Variants in TMEM143 observed in about 807,000 individuals in gnomAD.
TMEM143 encodes transmembrane protein 143.
TMEM143 carries 45 observed loss-of-function variants against 40.3 expected under a neutral mutation model. That is an observed-to-expected ratio of 1.12 (90% CI 0.88 to 1.43). The LOEUF (loss-of-function observed/expected upper bound fraction) is 1.43, where lower values mean the gene tolerates loss of function less well. TMEM143 is among the 40% of genes most tolerant of loss of function. The pLI, the probability that TMEM143 is intolerant of heterozygous loss-of-function variation, is 0.00. For synonymous variants in TMEM143, 299 were observed against 282.7 expected (o/e 1.06, Z -0.58); for missense variants, 620 against 613.4 (o/e 1.01, Z -0.11).
chr19:48,334,629 T>G (rs1403582286), intron 6 of TMEM143, among the ~76,000 whole-genome samples: 1 of 145,686 alleles, frequency 6.9e-6, no homozygotes, highest in African/African-American at 2.5e-5. Flanking sequence ...TAGCCCAGTC[T>G]GGAGTTCAGT....
intron 3 of TMEM143, among the ~76,000 whole-genome samples, chr19:48,355,251 G>A (rs1465053895): frequency 1.3e-5 from 2 of 151,960 alleles, no homozygotes; most frequent in African/African-American, 4.8e-5. Flanking sequence ...GACTGGTCTC[G>A]AACTCCTGGG....
At chr19:48,352,261 A>AAAAAAAAAAAAAAAC (rs930196732) in intron 3 of TMEM143, among the ~76,000 whole-genome samples, 21 of 143,828 alleles carry the variant, frequency 1.5e-4, no homozygotes, top group African/African-American at 5.5e-4. Context: ...AAAAAAAAAA[A>AAAAAAAAAAAAAAAC]ACACCATATC....
intron 3 of TMEM143, among the ~76,000 whole-genome samples, chr19:48,350,967 G>A (rs1403597261): frequency 6.8e-6 from 1 of 146,552 alleles, no homozygotes; most frequent in Admixed American, 6.9e-5. Context: ...TTGGGTCTTT[G>A]TGGCAATTGC....
Position 48,332,375 on chromosome 19 carries a change from T to G in TMEM143, c.*844A>C, listed in dbSNP as rs907484796. 4 of 152,202 alleles carry G rather than the reference T, an allele frequency of 2.6e-5. No individual in the cohort carries two copies. The highest frequency in any genetic ancestry group is 9.7e-5 in the African/African-American group (4 of 41,438). 9.4% of individuals were successfully genotyped at this position (152,202 alleles called of 1,614,324 possible). ...CTCATCCAGACTTATTAAACATGAT[T>G]TATTACTTTGGGACAGGAGACGGGA... On this transcript the variant is annotated 3_prime_UTR_variant, in exon 8 of 8. Transcript: ENST00000293261.
intron 1 of TMEM143, 131 bp downstream of exon 1, chr19:48,363,767 A>C: frequency 6.7e-7 from 1 of 1,497,608 alleles, no homozygotes; most frequent in South Asian, 1.1e-5. Flanking sequence ...GAGACCCTGT[A>C]GTGGTACAAC....
chr19:48,333,445 G>T lies in TMEM143; in HGVS notation c.1166-12C>A. On this transcript the variant is annotated splice_polypyrimidine_tract_variant and intron_variant, in intron 7 of 7. Transcript: ENST00000293261. The surrounding 1 kb of genome is among the most constrained non-coding windows in gnomAD (Gnocchi z 4.1). ...CCACCTGGAGGTCTCTGCAAGGGGA[G>T]AGGCAGGTGTTCTGAGGTCACACTG... The T allele has an allele frequency of 6.4e-7, 1 of 1,558,310 alleles. No homozygotes were observed. The highest frequency in any genetic ancestry group is 8.7e-7 in the Non-Finnish European group (1 of 1,143,888).
chr19:48,358,993 A>T (rs1969972468), intron 3 of TMEM143, among the ~76,000 whole-genome samples: 1 of 151,968 alleles, frequency 6.6e-6, no homozygotes, highest in Non-Finnish European at 1.5e-5. Context: ...ACATGGTGAA[A>T]CCCAGTCTCT....
At position 48,342,584 on chromosome 19, in the gene TMEM143, G is replaced by A; in HGVS notation, c.921C>T (p.Ala307=). 3 of 1,613,270 alleles carry A rather than the reference G, an allele frequency of 1.9e-6. No individual in the cohort carries two copies. Among genetic ancestry groups the A allele is most frequent in the Non-Finnish European group, 2.5e-6 (3 of 1,179,868 alleles). ...GMVVLTDLKV[A]TSLLLLLFAI... ...CGAAGAGCAGCAGCAGCAGGGAGGTGGCCACCTTGAGGTCGGTTAGCACCA... is the reference window on the plus strand; with the variant it reads ...CGAAGAGCAGCAGCAGCAGGGAGGTAGCCACCTTGAGGTCGGTTAGCACCA... Residue 307 remains alanine (A), a synonymous_variant, in exon 6 of 8, where the codon GCC becomes GCT. Coordinates refer to ENST00000293261, the MANE Select transcript of TMEM143 (RefSeq NM_018273.4).
At chr19:48,360,342 G>C (rs1476969811) in intron 2 of TMEM143, 166 bp from the exon 3 acceptor site, 1 of 630,928 alleles carries the variant, frequency 1.6e-6, no homozygotes, top group Non-Finnish European at 2.8e-6. Flanking sequence ...ACTTTGGGAG[G>C]CCGAGGCAGT....
At chr19:48,341,816 G>A (rs1220301726) in intron 6 of TMEM143, among the ~76,000 whole-genome samples, 2 of 151,914 alleles carry the variant, frequency 1.3e-5, no homozygotes, top group Non-Finnish European at 2.9e-5. Flanking sequence ...TCACTAAAGC[G>A]CCCCTAAAGC....
chr19:48,336,489 C>T (rs1303569390), intron 6 of TMEM143, among the ~76,000 whole-genome samples: 1 of 151,850 alleles, frequency 6.6e-6, no homozygotes, highest in African/African-American at 2.4e-5. Context: ...TGCGCCACTG[C>T]ACTCCAGCCT....
In TMEM143 at chr19:48,343,404, C is replaced by T; in HGVS notation, c.612G>A (p.Leu204=). The change falls in exon 5 of 8, where the codon CTG becomes CTA. Residue 204 remains leucine, a synonymous_variant. Coordinates refer to ENST00000293261, the MANE Select transcript of TMEM143 (RefSeq NM_018273.4). ...GGGGCATCTGCCCGACTCGCTGGCC[C>T]AGGGCCCAGAAGTGAATGTAGACAT... The part of the protein sequence containing the change: ...DQYVYIHFWA[L]GQRVGQMPLK... 2 of 1,596,548 alleles carry T rather than the reference C, an allele frequency of 1.3e-6. No homozygotes were observed. The highest frequency in any genetic ancestry group is 1.1e-5 in the South Asian group (1 of 88,426).
chr19:48,336,279 A>G (rs554046835), intron 6 of TMEM143, among the ~76,000 whole-genome samples: 4 of 152,192 alleles, frequency 2.6e-5, no homozygotes, highest in Admixed American at 1.3e-4. Context: ...GCACTTTGGG[A>G]GGCCGAGACG....
Position 48,363,447 on chromosome 19 carries a change from C to G in TMEM143, c.108G>C (p.Ala36=), listed in dbSNP as rs767960824. The G allele has an allele frequency of 2.5e-6, 4 of 1,613,938 alleles. No homozygotes were observed. In the South Asian group the frequency reaches 4.4e-5, roughly 18 times the overall value. ...AGAGGGCCCGGGGGGGCCCGAGGAG[C>G]GCGGGCAACAGTGGCCATACTCGGA... The part of the protein sequence containing the change: ...SRVRVWPLLP[A]LLGPPRALSS... Residue 36 remains alanine, a synonymous_variant, in exon 2 of 8, where the codon GCG becomes GCC. Transcript: ENST00000293261.
Position 48,363,432 on chromosome 19 carries a change from G to T in TMEM143, c.123C>A (p.Pro41=). 7 of 1,614,056 alleles carry T rather than the reference G, an allele frequency of 4.3e-6. No homozygotes were observed. The highest frequency in any genetic ancestry group is 4.2e-6 in the Non-Finnish European group (5 of 1,180,010). ...TGGCTGCCAGCGATGAGAGGGCCCGGGGGGGCCCGAGGAGCGCGGGCAACA... is the reference window on the plus strand; with the variant it reads ...TGGCTGCCAGCGATGAGAGGGCCCGTGGGGGCCCGAGGAGCGCGGGCAACA... ...WPLLPALLGP[P]RALSSLAAKM... is the part of the protein sequence containing the mutation. The change falls in exon 2 of 8, where the codon CCC becomes CCA. Residue 41 remains proline (P), a synonymous_variant. Coordinates refer to ENST00000293261, the MANE Select transcript of TMEM143 (RefSeq NM_018273.4).
intron 3 of TMEM143, among the ~76,000 whole-genome samples, chr19:48,353,253 C>T (rs910866846): frequency 6.7e-6 from 1 of 149,030 alleles, no homozygotes; most frequent in African/African-American, 2.5e-5. Flanking sequence ...GATCTCGGCT[C>T]ACTGCAACCT....
intron 6 of TMEM143, among the ~76,000 whole-genome samples, chr19:48,341,306 C>A (rs1306877766): frequency 6.6e-6 from 1 of 152,330 alleles, no homozygotes; most frequent in East Asian, 1.9e-4. Context: ...GGCCACGAAT[C>A]CTTGGATGGT....
At chr19:48,348,082 G>A (rs1969685186) in intron 3 of TMEM143, among the ~76,000 whole-genome samples, 1 of 151,172 alleles carries the variant, frequency 6.6e-6, no homozygotes, top group South Asian at 2.1e-4. Flanking sequence ...CTCCTCTGAA[G>A]TAAGCCCTAG....
At position 48,336,814 on chromosome 19, in the gene TMEM143, G is replaced by A. The variant is rs1374073347; in HGVS notation, c.976-2617C>T. ...ATCAAGACCACGAGGTCAGGAGATC[G>A]AGACCATCCTGGCTAACACGGTGAA... is the stretch of plus-strand genomic sequence containing the variant. On this transcript the variant is annotated intron_variant, in intron 6 of 7. Transcript: ENST00000293261. Among the ~76,000 whole-genome samples, 4 of 151,600 alleles carry A rather than the reference G, an allele frequency of 2.6e-5. No homozygotes were observed. The East Asian group carries it at 5.9e-4, about 22-fold the overall frequency.
Sources: allele counts gnomAD v4.1 joint callset (sites outside exome capture counted in the v4.1 genomes callset), GRCh38; gene constraint gnomAD v4.1.1; non-coding constraint Gnocchi (gnomAD v3.1); transcripts MANE v1.5; gene names NCBI Gene and HGNC (gene_info 2026-07-23, HGNC 2026-07-21).